Variants in PPP3CA observed in about 807,000 individuals in gnomAD.
PPP3CA encodes the protein protein phosphatase 3 catalytic subunit alpha, also known as CAM-PRP catalytic subunit.
PPP3CA carries 14 observed loss-of-function variants against 66.5 expected under a neutral mutation model. The ratio of observed to expected loss-of-function variants is 0.21; its 90% CI spans 0.14 to 0.33. The LOEUF (loss-of-function observed/expected upper bound fraction) is 0.33. Among genes scored for constraint, PPP3CA ranks in the 10% least tolerant of loss-of-function variants. The pLI, the probability that PPP3CA is intolerant of heterozygous loss-of-function variation, is 1.00. For synonymous variants in PPP3CA, 232 were observed against 226.2 expected, an observed-to-expected ratio of 1.03 and a Z score of -0.23; for missense variants, 317 against 639.5, an observed-to-expected ratio of 0.50 and a Z score of 5.44.
intron 8 of PPP3CA, among the ~76,000 whole-genome samples, chr4:101,075,162 T>C (rs965195193): frequency 1.5e-4 from 23 of 152,186 alleles, no homozygotes; most frequent in Non-Finnish European, 2.4e-4. Context: ...GTGGGGATTA[T>C]TACAATTCAA....
At chr4:101,110,618 A>C (rs2732510) in intron 2 of PPP3CA, among the ~76,000 whole-genome samples, 28,092 of 152,156 alleles carry the variant, frequency 0.18, 3,538 homozygotes, top group African/African-American at 0.35. Context: ...TAGAAACACC[A>C]GAAACATATT....
At chr4:101,160,747 A>AT (rs1246530722) in intron 2 of PPP3CA, among the ~76,000 whole-genome samples, 1 of 152,036 alleles carries the variant, frequency 6.6e-6, no homozygotes, top group Non-Finnish European at 1.5e-5. Context: ...CTTTAAAAAT[A>AT]TTTTTTTAAT....
At chr4:101,266,091 C>A (rs1727162142) in intron 1 of PPP3CA, among the ~76,000 whole-genome samples, 1 of 152,068 alleles carries the variant, frequency 6.6e-6, no homozygotes, top group Non-Finnish European at 1.5e-5. Flanking sequence ...TACTTTCTTA[C>A]CAAGTGACTT....
At chr4:101,294,081 G>A (rs994781393) in intron 1 of PPP3CA, among the ~76,000 whole-genome samples, 1 of 152,214 alleles carries the variant, frequency 6.6e-6, no homozygotes, top group East Asian at 1.9e-4. Flanking sequence ...AATAGTAACT[G>A]AGGAATGTCA....
At chr4:101,274,371 T>C in intron 1 of PPP3CA, among the ~76,000 whole-genome samples, 1 of 152,198 alleles carries the variant, frequency 6.6e-6, no homozygotes, top group East Asian at 1.9e-4. Context: ...TGTCTCAAAT[T>C]ATTTTGAGTC....
Position 101,346,860 on chromosome 4 carries a change from G to A in PPP3CA, c.-64C>T, listed in dbSNP as rs1730022333. 6.4e-6 allele frequency: 10 copies of A among 1,565,030 alleles called. 1 individual carries two copies. Among genetic ancestry groups the A allele is most frequent in the Middle Eastern group, 1.7e-4 (1 of 6,006 alleles). On this transcript the variant is annotated 5_prime_UTR_variant, in exon 1 of 14. Coordinates refer to ENST00000394854, the MANE Select transcript of PPP3CA (RefSeq NM_000944.5). Reference sequence around the variant, plus strand: ...TCCGACTGCACACCCCGACCGGACCGGCGGGCCAGACACTCAACGCCGCCG... The same window carrying A: ...TCCGACTGCACACCCCGACCGGACCAGCGGGCCAGACACTCAACGCCGCCG...
intron 2 of PPP3CA, among the ~76,000 whole-genome samples, chr4:101,162,967 A>G (rs192206035): frequency 2.2e-4 from 33 of 152,320 alleles, no homozygotes; most frequent in Middle Eastern, 3.4e-3. Context: ...GGTTCTGGAT[A>G]AGGCTTAGGT....
intron 1 of PPP3CA, among the ~76,000 whole-genome samples, chr4:101,214,539 C>T (rs193180815): frequency 1.3e-5 from 2 of 152,192 alleles, no homozygotes; most frequent in African/African-American, 2.4e-5. Flanking sequence ...GACCTCCATA[C>T]AGTAAGACGT....
chr4:101,304,175 T>G (rs1728465988), intron 1 of PPP3CA, among the ~76,000 whole-genome samples: 1 of 152,198 alleles, frequency 6.6e-6, no homozygotes, highest in South Asian at 2.1e-4. Flanking sequence ...TTCATCAGGA[T>G]ATTTCAGTAA....
At chr4:101,310,097 G>A (rs1728676225) in intron 1 of PPP3CA, among the ~76,000 whole-genome samples, 1 of 152,188 alleles carries the variant, frequency 6.6e-6, no homozygotes, top group South Asian at 2.1e-4. Flanking sequence ...TAGTACTACT[G>A]ATTGTTGTGT....
rs79003020 is a variant in PPP3CA at position 101,227,997 on chromosome 4, G to A, written c.59-31881C>T. On this transcript the variant is annotated intron_variant, in intron 1 of 13. Coordinates refer to ENST00000394854, the MANE Select transcript of PPP3CA (RefSeq NM_000944.5). ...TGATGGGGATCTAGGTTGACTTCAT[G>A]TCTTTGCTATGAACAGGCCTTTTAA... is the stretch of plus-strand genomic sequence containing the variant. 4.6e-3 allele frequency among the ~76,000 whole-genome samples: 701 copies of A among 151,636 alleles called. 9 individuals carry two copies. The highest frequency in any genetic ancestry group is 0.016 in the African/African-American group (668 of 41,432).
intron 1 of PPP3CA, among the ~76,000 whole-genome samples, chr4:101,279,441 A>G (rs187458352): frequency 5.7e-4 from 87 of 152,344 alleles, no homozygotes; most frequent in African/African-American, 1.9e-3. Flanking sequence ...GACCAACATC[A>G]GATACCTGAC....
intron 1 of PPP3CA, among the ~76,000 whole-genome samples, chr4:101,298,841 CTGTGTG>C (rs57507050): frequency 0.051 from 7,088 of 139,996 alleles, 383 homozygotes; most frequent in African/African-American, 0.14. Context: ...CAAGGGTCTA[CTGTGTG>C]TGTGTGTGTG....
At chr4:101,081,684 T>C (rs1729446655) in intron 7 of PPP3CA, among the ~76,000 whole-genome samples, 1 of 152,218 alleles carries the variant, frequency 6.6e-6, no homozygotes, top group Non-Finnish European at 1.5e-5. Flanking sequence ...AAAGTATCTT[T>C]AGATAGATAA....
Position 101,024,547 on chromosome 4 carries a change from T to C in PPP3CA, c.*1318A>G, listed in dbSNP as rs1465860918. The C allele has an allele frequency of 6.6e-6, 1 of 152,542 alleles. No individual in the cohort carries two copies. Among genetic ancestry groups the C allele is most frequent in the African/African-American group, 2.4e-5 (1 of 41,422 alleles). 9.4% of individuals were successfully genotyped at this position (152,542 alleles called of 1,614,324 possible). On this transcript the variant is annotated 3_prime_UTR_variant, in exon 14 of 14. Coordinates refer to ENST00000394854, the MANE Select transcript of PPP3CA (RefSeq NM_000944.5). Reference sequence around the variant, plus strand: ...TGAACCAGTTGTAACCCGTAACTGATATACAAAGGGAAAAAAGTGAAAAAA... The same window carrying C: ...TGAACCAGTTGTAACCCGTAACTGACATACAAAGGGAAAAAAGTGAAAAAA...
intron 10 of PPP3CA, 114 bp from the exon 11 acceptor site, chr4:101,040,680 T>TTC: frequency 1.4e-6 from 1 of 723,070 alleles, no homozygotes; most frequent in Non-Finnish European, 2.1e-6. Flanking sequence ...TTTTTTTTTT[T>TTC]CCCCCTTAAG....
chr4:101,238,412 T>G (rs1726195201), intron 1 of PPP3CA, among the ~76,000 whole-genome samples: 1 of 151,880 alleles, frequency 6.6e-6, no homozygotes, highest in Non-Finnish European at 1.5e-5. Flanking sequence ...TTTTTTACAA[T>G]TAATATAAGA....
rs570810404 is a variant in PPP3CA, at chr4:101,086,207, T to G, written c.783-2944A>C. On this transcript the variant is annotated intron_variant, in intron 6 of 13. Transcript: ENST00000394854. ...GCATCTGAAATTAATCAGAGAAATC[T>G]TTTTGAAAAATATCTATCTTTTGTT... Among the ~76,000 whole-genome samples the G allele has an allele frequency of 4.6e-5, 7 of 152,298 alleles. No homozygotes were observed. In the South Asian group the frequency reaches 1.5e-3, roughly 32 times the overall value.
chr4:101,043,728 A>T (rs1263580700), intron 10 of PPP3CA, among the ~76,000 whole-genome samples: 1 of 152,120 alleles, frequency 6.6e-6, no homozygotes, highest in Non-Finnish European at 1.5e-5. Flanking sequence ...CAAAAAAATT[A>T]GCTGGGTGTG....
Sources: gnomAD v4.1 joint callset for allele counts (sites outside exome capture counted in the v4.1 genomes callset) on GRCh38, gnomAD v4.1.1 for gene constraint, MANE v1.5 for transcripts, NCBI Gene and HGNC (gene_info 2026-07-23, HGNC 2026-07-21) for gene names.